MTCL1: variants seen among roughly 807,000 people sequenced by gnomAD.
MTCL1 encodes the protein microtubule crosslinking factor 1, also known as microtubule cross-linking factor 1.
In MTCL1, 79 loss-of-function variants were observed where a neutral mutation model predicts 141.4. That is an observed-to-expected ratio of 0.56 (90% CI 0.47 to 0.67). The LOEUF (loss-of-function observed/expected upper bound fraction) is 0.67. Ranked by LOEUF, MTCL1 falls within the 30% of genes least tolerant of loss-of-function variation. MTCL1 has a pLI of 0.00. For missense variants in MTCL1, 2,177 were observed against 2,113.9 expected (o/e 1.03, Z -0.59); for synonymous variants, 914 against 875.8 (o/e 1.04, Z -0.77).
chr18:8,783,415 A>C, intron 5 of MTCL1, 115 bp from the exon 5 acceptor site: 2 of 961,404 alleles, frequency 2.1e-6, no homozygotes, highest in Non-Finnish European at 1.5e-6. Context: ...ACCGATGGGA[A>C]GATCGGTGTT....
intron 4 of MTCL1, among the ~76,000 whole-genome samples, chr18:8,770,677 A>C (rs1268930740): frequency 6.6e-6 from 1 of 152,202 alleles, no homozygotes; most frequent in East Asian, 1.9e-4. Flanking sequence ...ACAGATGTGT[A>C]AAGAGAGTTT....
chr18:8,739,708 A>G (rs1377909635), intron 4 of MTCL1, among the ~76,000 whole-genome samples: 1 of 145,578 alleles, frequency 6.9e-6, no homozygotes, highest in Non-Finnish European at 1.5e-5. Flanking sequence ...ATCTGCATTA[A>G]GGAGATTGTT....
At chr18:8,777,997 A>C (rs1244758320) in intron 5 of MTCL1, 105 bp downstream of exon 4, 2 of 1,048,214 alleles carry the variant, frequency 1.9e-6, no homozygotes, top group African/African-American at 3.2e-5. Flanking sequence ...ACATCCAAAG[A>C]AACATTACCT....
At chr18:8,819,819 C>T (rs1484126465) in intron 13 of MTCL1, among the ~76,000 whole-genome samples, 2 of 152,094 alleles carry the variant, frequency 1.3e-5, no homozygotes, top group Admixed American at 1.3e-4. Flanking sequence ...CTATGTTGCC[C>T]AAGCTGGTCT....
At chr18:8,773,896 G>T (rs145347833) in intron 4 of MTCL1, among the ~76,000 whole-genome samples, 36 of 152,160 alleles carry the variant, frequency 2.4e-4, no homozygotes, top group Admixed American at 1.9e-3. Context: ...TACCAGCACC[G>T]AACCATTGTA....
At chr18:8,781,862 T>C (rs1598627157) in intron 5 of MTCL1, among the ~76,000 whole-genome samples, 1 of 152,306 alleles carries the variant, frequency 6.6e-6, no homozygotes, top group South Asian at 2.1e-4. Flanking sequence ...TGTCCTCAGC[T>C]AAGAGATGAC....
In MTCL1 at chr18:8,828,515, G is replaced by A. The variant is rs1265054137; in HGVS notation, c.4723-393G>A. Reference sequence around the variant, plus strand: ...TGTTGTGACCGAAACAAACGCAGCCGTATAATAGTCTCTGTTTTAGATACC... The same window carrying A: ...TGTTGTGACCGAAACAAACGCAGCCATATAATAGTCTCTGTTTTAGATACC... On this transcript the variant is annotated intron_variant, in intron 15 of 16. Transcript: ENST00000359865. This position sits in a 1 kb window ranked among gnomAD's most constrained non-coding sequence, Gnocchi z 5.2. 5.9e-5 allele frequency among the ~76,000 whole-genome samples: 9 copies of A among 152,330 alleles called. No homozygotes were observed. The highest frequency in any genetic ancestry group is 3.9e-4 in the East Asian group (2 of 5,184).
At chr18:8,831,999 ATAACT>A (rs1187816607) in exon 17 of MTCL1, 55 of 679,124 alleles carry the variant, frequency 8.1e-5, no homozygotes, top group Non-Finnish European at 1.3e-4. Context: ...TGTGCCTGTA[ATAACT>A]TAATTTTTTT....
At chr18:8,720,832 C>T (rs748297416) in intron 4 of MTCL1, among the ~76,000 whole-genome samples, 23 of 150,762 alleles carry the variant, frequency 1.5e-4, no homozygotes, top group Non-Finnish European at 2.5e-4. Flanking sequence ...GTAATTACCA[C>T]TCAGATGAGC....
At chr18:8,818,072 C>T (rs890692087) in intron 12 of MTCL1, among the ~76,000 whole-genome samples, 2 of 152,176 alleles carry the variant, frequency 1.3e-5, no homozygotes, top group African/African-American at 2.4e-5. Flanking sequence ...CATCTAGTGC[C>T]GCAAAACAGC....
intron 4 of MTCL1, among the ~76,000 whole-genome samples, chr18:8,765,990 T>C (rs1383203809): frequency 6.6e-6 from 1 of 152,210 alleles, no homozygotes; most frequent in Non-Finnish European, 1.5e-5. Flanking sequence ...GACACAATGC[T>C]GCCACAAGTC....
rs143588307 is a variant in MTCL1 at position 8,744,699 on chromosome 18, G to T, written c.357+24203G>T. Among the ~76,000 whole-genome samples the T allele has an allele frequency of 2.4e-3, 359 of 151,610 alleles. 3 individuals are homozygous for T. Among genetic ancestry groups the T allele is most frequent in the African/African-American group, 8.4e-3 (347 of 41,168 alleles). On this transcript the variant is annotated intron_variant, in intron 4 of 16. Transcript: ENST00000359865. ...TTTAAAGCATGGTATGGTTTTTTTT[G>T]AGTAGCATCTGTTAGGTTTTTCAAG...
chr18:8,718,281 C>T, intron 2 of MTCL1, 143 bp from the exon 2 acceptor site: 1 of 765,842 alleles, frequency 1.3e-6, no homozygotes, highest in Non-Finnish European at 2.1e-6. Context: ...GTTCTGGTGC[C>T]TGTCACCCAG....
intron 4 of MTCL1, among the ~76,000 whole-genome samples, chr18:8,766,257 G>A (rs2096459234): frequency 6.6e-6 from 1 of 152,210 alleles, no homozygotes; most frequent in Admixed American, 6.5e-5. Context: ...GATGCCTCAT[G>A]AGGCCTCCTC....
chr18:8,828,929 GC>G lies in MTCL1; in HGVS notation c.4749del (p.Trp1584GlyfsTer17). 3.7e-6 allele frequency: 6 copies of G among 1,614,160 alleles called. No homozygotes were observed. Among genetic ancestry groups the G allele is most frequent in the Non-Finnish European group, 5.1e-6 (6 of 1,180,008 alleles). On this transcript the variant is annotated frameshift_variant, in exon 16 of 17. Coordinates refer to ENST00000359865, the Ensembl canonical transcript of MTCL1. LOFTEE classifies it high-confidence loss of function. This position sits in a 1 kb window ranked among gnomAD's most constrained non-coding sequence, Gnocchi z 5.2. Reference sequence around the variant, plus strand: ...CCAGAACCAAACTGTCTTGCTAACTGCCCCCTGGGGACTCTAGCCCTGCCCG... The same window carrying G: ...CCAGAACCAAACTGTCTTGCTAACTGCCCCTGGGGACTCTAGCCCTGCCCG...
chr18:8,778,444 A>G (rs2096520434), intron 5 of MTCL1, among the ~76,000 whole-genome samples: 1 of 152,200 alleles, frequency 6.6e-6, no homozygotes, highest in Non-Finnish European at 1.5e-5. Flanking sequence ...TGCTGCTAGC[A>G]TTAGGTGGTG....
rs780734843 is a variant in MTCL1, at chr18:8,784,855, C to T, written c.1731+12C>T. On this transcript the variant is annotated intron_variant, in intron 6 of 16. Transcript: ENST00000359865. Reference sequence around the variant, plus strand: ...GCCCAGACTTGCAGGTAAGGGGGCTCGTGGCTTCGCCTCCCTGCTCCGCCT... The same window carrying T: ...GCCCAGACTTGCAGGTAAGGGGGCTTGTGGCTTCGCCTCCCTGCTCCGCCT... 51 of 1,562,446 alleles carry T rather than the reference C, an allele frequency of 3.3e-5. No homozygotes were observed. The highest frequency in any genetic ancestry group is 1.7e-4 in the Middle Eastern group (1 of 5,868).
At chr18:8,748,701 A>G (rs1036084879) in intron 4 of MTCL1, among the ~76,000 whole-genome samples, 6 of 152,272 alleles carry the variant, frequency 3.9e-5, no homozygotes, top group African/African-American at 1.4e-4. Context: ...GTGTGTGTAT[A>G]TATACATATA....
chr18:8,826,280 T>G (rs1486691275), intron 15 of MTCL1, 48 bp downstream of exon 14: 29 of 1,454,212 alleles, frequency 2.0e-5, no homozygotes, highest in African/African-American at 2.8e-5. Flanking sequence ...GCTCTTCCCT[T>G]TAGCTGTGGG....
Sources: allele counts gnomAD v4.1 joint callset (sites outside exome capture counted in the v4.1 genomes callset), GRCh38; gene constraint gnomAD v4.1.1; non-coding constraint Gnocchi (gnomAD v3.1); transcripts MANE v1.5; gene names NCBI Gene and HGNC (gene_info 2026-07-23, HGNC 2026-07-21).